Variants in OR6N1 observed in about 807,000 individuals in gnomAD.
OR6N1 encodes olfactory receptor family 6 subfamily N member 1.
For missense variants in OR6N1, 394 were observed against 371.7 expected (o/e 1.06, Z -0.49); for synonymous variants, 170 against 150.7 (o/e 1.13, Z -0.94).
chr1:158,778,912 C>T, the OR6N1 span, among the ~76,000 whole-genome samples: 4 of 150,008 alleles, frequency 2.7e-5, no homozygotes, highest in Non-Finnish European at 5.9e-5. Context: ...CCAGCTACTC[C>T]GGAGGCTGAG....
the OR6N1 span, among the ~76,000 whole-genome samples, chr1:158,821,989 A>G: frequency 6.6e-6 from 1 of 152,210 alleles, no homozygotes; most frequent in Non-Finnish European, 1.5e-5. Flanking sequence ...GTGTAGTGGT[A>G]TCTCATTATT....
the OR6N1 span, among the ~76,000 whole-genome samples, chr1:158,804,239 T>C: frequency 1.3e-5 from 2 of 152,188 alleles, no homozygotes; most frequent in African/African-American, 4.8e-5. Context: ...TTGATCACCA[T>C]CCTTTGGTCT....
the OR6N1 span, among the ~76,000 whole-genome samples, chr1:158,837,114 T>G: frequency 1.3e-5 from 2 of 151,928 alleles, no homozygotes; most frequent in African/African-American, 4.8e-5. Context: ...GGCATCCTAA[T>G]TTGTGGTATA....
the OR6N1 span, among the ~76,000 whole-genome samples, chr1:158,779,430 G>A: frequency 4.6e-5 from 7 of 152,192 alleles, no homozygotes; most frequent in South Asian, 8.3e-4. Flanking sequence ...ATAACCAAAC[G>A]AATTCATTTA....
chr1:158,800,859 A>T, the OR6N1 span, among the ~76,000 whole-genome samples: 1 of 152,338 alleles, frequency 6.6e-6, no homozygotes, highest in East Asian at 1.9e-4. Context: ...AGCTATGGCT[A>T]TGTTATCCTC....
At chr1:158,796,139 A>C in the OR6N1 span, 1 of 152,262 alleles carries the variant, frequency 6.6e-6, no homozygotes, top group African/African-American at 2.4e-5. Flanking sequence ...CATAAAACCC[A>C]TCATCTCCAG....
the OR6N1 span, among the ~76,000 whole-genome samples, chr1:158,832,949 T>C: frequency 1.3e-5 from 2 of 152,150 alleles, no homozygotes; most frequent in Non-Finnish European, 2.9e-5. Context: ...TTTCAATTTA[T>C]AGCACTTATT....
intron 1 of OR6N1, among the ~76,000 whole-genome samples, chr1:158,769,687 G>A (rs534585649): frequency 4.3e-4 from 66 of 151,968 alleles, no homozygotes; most frequent in Non-Finnish European, 7.4e-4. Context: ...ATTTTTCTTG[G>A]CATTTTTCTA....
At chr1:158,778,786 G>A in the OR6N1 span, among the ~76,000 whole-genome samples, 7,747 of 151,828 alleles carry the variant, frequency 0.051, 396 homozygotes, top group East Asian at 0.15. Context: ...AGGCTGAGGC[G>A]GGTAGATCAC....
chr1:158,796,419 T>C, the OR6N1 span, among the ~76,000 whole-genome samples: 3 of 152,244 alleles, frequency 2.0e-5, no homozygotes, highest in Non-Finnish European at 4.4e-5. Context: ...AGTTTCATTC[T>C]TTTTTCTTCT....
the OR6N1 span, among the ~76,000 whole-genome samples, chr1:158,829,105 G>C: frequency 3.5e-3 from 528 of 152,320 alleles, 1 homozygote; most frequent in African/African-American, 0.012. Context: ...CTCCAGGCCT[G>C]TGATGGGACT....
At chr1:158,829,366 T>C in the OR6N1 span, among the ~76,000 whole-genome samples, 3 of 149,908 alleles carry the variant, frequency 2.0e-5, no homozygotes, top group Non-Finnish European at 4.5e-5. Flanking sequence ...TGCTTAGAAA[T>C]TTCTTCCATC....
the OR6N1 span, among the ~76,000 whole-genome samples, chr1:158,805,507 A>G: frequency 6.6e-6 from 1 of 152,188 alleles, no homozygotes; most frequent in Non-Finnish European, 1.5e-5. Context: ...AAGGACTTCA[A>G]TTCCCTTAGG....
At chr1:158,782,538 G>A in the OR6N1 span, among the ~76,000 whole-genome samples, 2 of 152,312 alleles carry the variant, frequency 1.3e-5, no homozygotes, top group South Asian at 2.1e-4. Context: ...ATTTCTGTAA[G>A]AGAGTGTTAG....
the OR6N1 span, among the ~76,000 whole-genome samples, chr1:158,793,159 T>A: frequency 6.6e-5 from 10 of 151,930 alleles, no homozygotes; most frequent in South Asian, 1.0e-3. Context: ...CTCTAGAAAA[T>A]TTTTTATGCA....
the OR6N1 span, among the ~76,000 whole-genome samples, chr1:158,821,366 C>G: frequency 7.6e-3 from 1,154 of 152,242 alleles, 16 homozygotes; most frequent in African/African-American, 0.026. Flanking sequence ...CTCTTGCTAT[C>G]ACACATTCAA....
the OR6N1 span, chr1:158,781,175 A>G: frequency 6.6e-6 from 1 of 152,228 alleles, no homozygotes; most frequent in African/African-American, 2.4e-5. Flanking sequence ...CCTACCAACC[A>G]CTGAACACTA....
At chr1:158,790,432 G>A in the OR6N1 span, among the ~76,000 whole-genome samples, 9,765 of 135,102 alleles carry the variant, frequency 0.072, 424 homozygotes, top group Middle Eastern at 0.22. Context: ...ACGGCATCTC[G>A]CTCTGTCACC....
At chr1:158,818,982 A>C in the OR6N1 span, among the ~76,000 whole-genome samples, 2 of 152,176 alleles carry the variant, frequency 1.3e-5, no homozygotes, top group Non-Finnish European at 2.9e-5. Flanking sequence ...AGTGCTAACA[A>C]GTTTTGCTAA....
Sources: allele counts gnomAD v4.1 joint callset (sites outside exome capture counted in the v4.1 genomes callset), GRCh38; gene constraint gnomAD v4.1.1; transcripts MANE v1.5; gene names NCBI Gene and HGNC (gene_info 2026-07-23, HGNC 2026-07-21).